Variants in ATP8B3 observed in about 807,000 individuals in gnomAD.
The protein encoded by ATP8B3 is phospholipid-transporting ATPase IK.
ATP8B3 carries 141 observed loss-of-function variants against 140.9 expected under a neutral mutation model. That is an observed-to-expected ratio of 1.00 (90% CI 0.87 to 1.15). The LOEUF is 1.15. Ranked by LOEUF, ATP8B3 falls within the 50% of genes most tolerant of loss-of-function variation. The probability of loss-of-function intolerance (pLI) is 0.00; values close to 1 mark genes in which losing one functional copy is unlikely to be tolerated. For missense variants in ATP8B3, 1,874 were observed against 1,740.6 expected (o/e 1.08, Z -1.36); for synonymous variants, 765 against 714.6 (o/e 1.07, Z -1.13).
At chr19:1,795,028 G>A (rs758268028) in intron 18 of ATP8B3, among the ~76,000 whole-genome samples, 9 of 152,074 alleles carry the variant, frequency 5.9e-5, no homozygotes, top group Non-Finnish European at 7.4e-5. Context: ...AGGGCGAGGC[G>A]GGTGGATCAC....
chr19:1,802,665 C>A lies in ATP8B3; in HGVS notation c.905-20G>T. ...CTGTGCCTGTGGGTGGCCAGGTGGTCAGTGGGTCAGTGGGCTCAGGCCCTC... is the reference window on the plus strand; with the variant it reads ...CTGTGCCTGTGGGTGGCCAGGTGGTAAGTGGGTCAGTGGGCTCAGGCCCTC... On this transcript the variant is annotated intron_variant, in intron 10 of 28. Transcript: ENST00000310127. The A allele has an allele frequency of 1.3e-6, 2 of 1,598,470 alleles. No homozygotes were observed. Among genetic ancestry groups the A allele is most frequent in the South Asian group, 2.2e-5 (2 of 89,176 alleles).
intron 25 of ATP8B3, among the ~76,000 whole-genome samples, chr19:1,786,356 A>G (rs545043708): frequency 6.6e-6 from 1 of 152,270 alleles, no homozygotes; most frequent in South Asian, 2.1e-4. Context: ...ACCTGAGGTC[A>G]GGAGTTCAAG....
At chr19:1,797,368 T>C (rs73916808) in intron 14 of ATP8B3, among the ~76,000 whole-genome samples, 26,415 of 151,094 alleles carry the variant, frequency 0.17, 3,538 homozygotes, top group African/African-American at 0.38. Flanking sequence ...GGCCCCTTCC[T>C]GTCTCCCAGG....
chr19:1,789,175 C>G (rs1311697144), intron 23 of ATP8B3, 55 bp from the exon 24 acceptor site: 7 of 1,073,788 alleles, frequency 6.5e-6, no homozygotes, highest in Non-Finnish European at 9.0e-6. Context: ...CCCGCCCGCC[C>G]CCCCAGACCC....
At chr19:1,801,885 C>CCT in intron 12 of ATP8B3, 71 bp downstream of exon 12, 1 of 1,206,734 alleles carries the variant, frequency 8.3e-7, no homozygotes, top group Non-Finnish European at 1.2e-6. Flanking sequence ...GAAACTGAGG[C>CCT]CTGGAAGATG....
chr19:1,797,131 C>G, intron 14 of ATP8B3, 126 bp from the exon 15 acceptor site: 1 of 1,443,296 alleles, frequency 6.9e-7, no homozygotes, highest in Non-Finnish European at 9.5e-7. Context: ...AGGCCTGTGG[C>G]CCTGGAACCG....
chr19:1,790,773 C>G lies in ATP8B3; in HGVS notation c.2362G>C (p.Glu788Gln). The G allele has an allele frequency of 2.5e-6, 4 of 1,604,808 alleles. No individual in the cohort carries two copies. The highest frequency in any genetic ancestry group is 3.4e-6 in the Non-Finnish European group (4 of 1,176,766). ...ELLSENMLIL[E>Q]EKEISRILET... Reference sequence around the variant, plus strand: ...ACTTCTTACCTAATCTCCTTCTCCTCCAGAATGAGCATATTCTCTGACAGC... The same window carrying G: ...ACTTCTTACCTAATCTCCTTCTCCTGCAGAATGAGCATATTCTCTGACAGC... The change falls in exon 21 of 29, where the codon GAG (glutamate) becomes CAG (glutamine). Residue 788 changes from glutamate to glutamine, a missense_variant. Glu to Gln is a conservative substitution (Grantham distance 29). Transcript: ENST00000310127.
intron 12 of ATP8B3, among the ~76,000 whole-genome samples, chr19:1,801,064 G>A (rs1019872789): frequency 1.1e-4 from 16 of 151,710 alleles, no homozygotes; most frequent in African/African-American, 3.4e-4. Context: ...TCCTGACCTC[G>A]TGATCCACCT....
chr19:1,785,071 G>A (rs965847644), intron 27 of ATP8B3, 88 bp downstream of exon 27: 36 of 1,481,758 alleles, frequency 2.4e-5, no homozygotes, highest in South Asian at 9.7e-5. Context: ...ACACTTTGCC[G>A]GACGACTGTC....
At chr19:1,788,380 G>T (rs144280303) in intron 24 of ATP8B3, among the ~76,000 whole-genome samples, 16 of 152,272 alleles carry the variant, frequency 1.1e-4, no homozygotes, top group Non-Finnish European at 2.1e-4. Context: ...GCCGGGCACG[G>T]TGGCTCACGC....
chr19:1,796,390 G>A (rs1568637638), intron 16 of ATP8B3, 125 bp from the exon 17 acceptor site: 3 of 961,058 alleles, frequency 3.1e-6, no homozygotes, highest in Non-Finnish European at 4.6e-6. Context: ...ACCCCCGCCT[G>A]TACAACCCAA....
Position 1,788,986 on chromosome 19 carries a change from A to C in ATP8B3, c.2980T>G (p.Cys994Gly). 2 of 1,610,560 alleles carry C rather than the reference A, an allele frequency of 1.2e-6. No individual in the cohort carries two copies. Among genetic ancestry groups the C allele is most frequent in the Non-Finnish European group, 1.7e-6 (2 of 1,178,834 alleles). The part of the protein sequence containing the change: ...VHGRWSYVRI[C>G]KFLRYFFYKS... The stretch of plus-strand genomic sequence containing the variant: ...TAGAAGAAGTAGCGCAGGAACTTGC[A>C]GATCCGCACGTAGGACCAGCGGCCG... The change falls in exon 24 of 29, where the codon TGC becomes GGC. Residue 994 changes from cysteine to glycine, a missense_variant. By Grantham distance (159) the Cys-to-Gly change is radical (BLOSUM62 -3). Around this residue, in one of 3 missense-constraint regions of ATP8B3, gnomAD observed 840 missense variants for 760.9 expected, o/e 1.10. Transcript: ENST00000310127.
intron 18 of ATP8B3, among the ~76,000 whole-genome samples, chr19:1,792,900 G>A (rs1280766240): frequency 1.5e-5 from 2 of 136,518 alleles, no homozygotes; most frequent in Admixed American, 1.5e-4. Context: ...GAGTATCAGA[G>A]CAAGATTCTG....
In ATP8B3 at chr19:1,807,360, C is replaced by T. The variant is rs80159363; in HGVS notation, c.517-94G>A. 4,275 of 976,374 alleles carry T rather than the reference C, an allele frequency of 4.4e-3. 197 individuals carry two copies. In the East Asian group the frequency reaches 0.092, roughly 21 times the overall value. The allele number at this position is 976,374 out of a possible 1,614,324, so 60.5% of individuals were successfully genotyped here. A position where few individuals can be genotyped will look rare whatever the true frequency, so the allele number is the denominator to read the frequency against. On this transcript the variant is annotated intron_variant, in intron 5 of 28. Coordinates refer to ENST00000310127, the MANE Select transcript of ATP8B3 (RefSeq NM_138813.4). This position sits in a 1 kb window ranked among gnomAD's most constrained non-coding sequence, Gnocchi z 5.9. ...CGACCTAGCCCCGCACTCGACACCA[C>T]GTGACACATCTGCTGGCCACCTTGA...
chr19:1,807,436 G>A lies in ATP8B3; in HGVS notation c.517-170C>T, dbSNP rs1351200754. Among the ~76,000 whole-genome samples the A allele has an allele frequency of 2.0e-5, 3 of 151,544 alleles. No homozygotes were observed. Among genetic ancestry groups the A allele is most frequent in the Admixed American group, 1.3e-4 (2 of 15,192 alleles). On this transcript the variant is annotated intron_variant, in intron 5 of 28. Transcript: ENST00000310127. The surrounding 1 kb of genome is among the most constrained non-coding windows in gnomAD (Gnocchi z 5.9). ...CCCCAGCCCTCGGGACAAACGCCCC[G>A]GCATCCCTCCACCTGCCTGGAACTT...
intron 18 of ATP8B3, 124 bp from the exon 19 acceptor site, chr19:1,792,259 G>T: frequency 9.0e-7 from 1 of 1,111,978 alleles, no homozygotes; most frequent in Non-Finnish European, 1.2e-6. Context: ...TGCCTCCCCA[G>T]CCAACAGCAG....
In ATP8B3 at chr19:1,785,270, C is replaced by T. The variant is rs763310679; in HGVS notation, c.3421G>A (p.Ala1141Thr). ...AGGAGGATGGTCGCCACGCACAGGG[C>T]GGTCCAGTACTTGATGATAAGAATG... ...EVILIIKYWTALCVATILLSL... is the reference protein window; with the variant it reads ...EVILIIKYWTTLCVATILLSL... Residue 1141 changes from alanine (A) to threonine (T), a missense_variant, in exon 27 of 29, where the codon GCC becomes ACC. Physicochemically the swap from Ala to Thr is moderately conservative, Grantham distance 58. Coordinates refer to ENST00000310127, the MANE Select transcript of ATP8B3 (RefSeq NM_138813.4). The T allele has an allele frequency of 6.9e-6, 11 of 1,605,348 alleles. No homozygotes were observed. Among genetic ancestry groups the T allele is most frequent in the African/African-American group, 2.7e-5 (2 of 74,804 alleles).
chr19:1,811,683 T>C lies in ATP8B3; in HGVS notation c.54A>G (p.Pro18=). Residue 18 remains proline (P), a synonymous_variant, in exon 2 of 29, where the codon CCA becomes CCG. Transcript: ENST00000310127. ...TPRSTRAGPE[P]SPAPPGPGDT... ...CCCCAGGTCCTGGTGGGGCAGGGCT[T>C]GGCTCAGGGCCAGCTCTGGTGCTCC... is the stretch of plus-strand genomic sequence containing the variant. 6.2e-7 allele frequency: 1 copy of C among 1,608,238 alleles called. No homozygotes were observed. The highest frequency in any genetic ancestry group is 8.5e-7 in the Non-Finnish European group (1 of 1,179,588).
At chr19:1,791,888 G>C (rs2145181854) in intron 19 of ATP8B3, 27 bp from the exon 20 acceptor site, 1 of 1,608,584 alleles carries the variant, frequency 6.2e-7, no homozygotes, top group South Asian at 1.1e-5. Context: ...GCAGGGCGGG[G>C]AAGATGCTGA....
Sources: gnomAD v4.1 joint callset for allele counts (sites outside exome capture counted in the v4.1 genomes callset) on GRCh38, gnomAD v4.1.1 for gene constraint, gnomAD v4.1.1 regional missense constraint, Gnocchi (gnomAD v3.1) non-coding constraint, MANE v1.5 for transcripts, NCBI Gene and HGNC (gene_info 2026-07-23, HGNC 2026-07-21) for gene names.